Variants in IQCM observed in about 807,000 individuals in gnomAD.
The protein encoded by IQCM is IQ motif containing M.
In IQCM, 45 loss-of-function variants were observed where a neutral mutation model predicts 57.6. The ratio of observed to expected loss-of-function variants is 0.78; its 90% confidence interval spans 0.62 to 1.00. The LOEUF (loss-of-function observed/expected upper bound fraction) is 1.00, where lower values mean the gene tolerates loss of function less well. Ranked by LOEUF, IQCM falls within the 50% of genes least tolerant of loss-of-function variation. IQCM has a pLI of 0.00. For synonymous variants in IQCM, 148 were observed against 158.9 expected (o/e 0.93, Z 0.51); for missense variants, 468 against 511.6 (o/e 0.91, Z 0.82).
chr4:149,681,771 C>A (rs1418877649), intron 7 of IQCM, among the ~76,000 whole-genome samples: 1 of 151,022 alleles, frequency 6.6e-6, no homozygotes, highest in Non-Finnish European at 1.5e-5. Context: ...ATTTAAGGGA[C>A]TTTAAAGAAT....
At chr4:149,489,585 C>T (rs1424280952) in intron 12 of IQCM, among the ~76,000 whole-genome samples, 2 of 151,934 alleles carry the variant, frequency 1.3e-5, no homozygotes, top group African/African-American at 4.8e-5. Context: ...AATGCAATCT[C>T]ACATACTACT....
intron 2 of IQCM, among the ~76,000 whole-genome samples, chr4:149,778,864 A>G (rs1042160194): frequency 5.9e-5 from 9 of 152,156 alleles, no homozygotes; most frequent in African/African-American, 1.7e-4. Flanking sequence ...AACACTCTCG[A>G]AAAAGAAATT....
intron 3 of IQCM, among the ~76,000 whole-genome samples, chr4:149,738,202 A>G (rs1767121580): frequency 6.6e-6 from 1 of 152,166 alleles, no homozygotes; most frequent in Admixed American, 6.5e-5. Flanking sequence ...GCTCTTTTCT[A>G]CAAATGTACT....
At chr4:149,561,258 C>T (rs535279064) in intron 10 of IQCM, among the ~76,000 whole-genome samples, 17 of 105,606 alleles carry the variant, frequency 1.6e-4, no homozygotes, top group Admixed American at 3.3e-4. Flanking sequence ...CTCCTTTTCA[C>T]GCTCATCTTT....
At chr4:149,376,052 T>A (rs114491810) in intron 13 of IQCM, among the ~76,000 whole-genome samples, 1 of 152,132 alleles carries the variant, frequency 6.6e-6, no homozygotes, top group Non-Finnish European at 1.5e-5. Context: ...GGGAATTCTG[T>A]AACCACCTCA....
intron 5 of IQCM, among the ~76,000 whole-genome samples, chr4:149,712,692 T>A (rs1015712013): frequency 6.6e-6 from 1 of 152,162 alleles, no homozygotes; most frequent in Non-Finnish European, 1.5e-5. Flanking sequence ...ACCAATCTGA[T>A]GGAAGGTGTT....
chr4:149,727,778 T>C (rs1484635187), intron 5 of IQCM, among the ~76,000 whole-genome samples: 1 of 152,110 alleles, frequency 6.6e-6, no homozygotes, highest in Non-Finnish European at 1.5e-5. Flanking sequence ...CCAGTAACCC[T>C]AGCAGTGGCT....
chr4:149,758,926 G>A (rs1236353461), intron 2 of IQCM, among the ~76,000 whole-genome samples: 1 of 152,200 alleles, frequency 6.6e-6, no homozygotes, highest in Non-Finnish European at 1.5e-5. Context: ...CTTTGACCAT[G>A]TAATCCAGCT....
chr4:149,626,430 A>AATCCTT (rs368164851), intron 7 of IQCM, among the ~76,000 whole-genome samples: 1 of 141,338 alleles, frequency 7.1e-6, no homozygotes, highest in East Asian at 2.1e-4. Flanking sequence ...AAGACATACT[A>AATCCTT]TTTTGCTATC....
At chr4:149,775,040 C>CAAAAA (rs35383107) in intron 2 of IQCM, among the ~76,000 whole-genome samples, 1 of 87,058 alleles carries the variant, frequency 1.1e-5, no homozygotes, top group Non-Finnish European at 2.5e-5. Context: ...TTCTTTTTGC[C>CAAAAA]AAAAAAAAAA....
At chr4:149,725,897 C>G (rs1169579291) in intron 5 of IQCM, among the ~76,000 whole-genome samples, 1 of 151,910 alleles carries the variant, frequency 6.6e-6, no homozygotes, top group Admixed American at 6.6e-5. Context: ...TGTACATGTT[C>G]CCCCTATCTT....
At chr4:149,609,044 G>C (rs1201477752) in intron 8 of IQCM, among the ~76,000 whole-genome samples, 2 of 151,586 alleles carry the variant, frequency 1.3e-5, no homozygotes, top group Non-Finnish European at 3.0e-5. Flanking sequence ...AATAAAATGA[G>C]AGATGAAAAA....
At chr4:149,464,419 T>C (rs575545574) in intron 12 of IQCM, among the ~76,000 whole-genome samples, 8 of 152,244 alleles carry the variant, frequency 5.3e-5, no homozygotes, top group African/African-American at 1.4e-4. Context: ...CTGTCTAGGA[T>C]TAGAAGCTCT....
chr4:149,484,787 T>G (rs1262663911), intron 12 of IQCM, among the ~76,000 whole-genome samples: 1 of 151,946 alleles, frequency 6.6e-6, no homozygotes, highest in Non-Finnish European at 1.5e-5. Context: ...TGTGCTTGAG[T>G]TTTGTACCTT....
At chr4:149,435,805 A>G (rs529648351) in intron 12 of IQCM, among the ~76,000 whole-genome samples, 1 of 152,216 alleles carries the variant, frequency 6.6e-6, no homozygotes, top group East Asian at 1.9e-4. Flanking sequence ...AAAAAACAAA[A>G]AATATAAACA....
At chr4:149,564,594 T>C (rs1750434421) in intron 9 of IQCM, among the ~76,000 whole-genome samples, 1 of 152,148 alleles carries the variant, frequency 6.6e-6, no homozygotes, top group African/African-American at 2.4e-5. Flanking sequence ...TCTAATCAGC[T>C]GCCAGTGCAG....
intron 13 of IQCM, among the ~76,000 whole-genome samples, chr4:149,404,198 C>T (rs1732817842): frequency 6.6e-6 from 1 of 151,960 alleles, no homozygotes; most frequent in African/African-American, 2.4e-5. Context: ...AGGTATGTAT[C>T]CAGATTTATG....
chr4:149,361,749 C>T (rs1039374674), intron 13 of IQCM, among the ~76,000 whole-genome samples: 8 of 152,156 alleles, frequency 5.3e-5, no homozygotes, highest in East Asian at 3.9e-4. Context: ...GGGGCCCTCA[C>T]GGAGAACCTC....
chr4:149,496,185 T>C (rs1431773825), intron 12 of IQCM, among the ~76,000 whole-genome samples: 1 of 152,114 alleles, frequency 6.6e-6, no homozygotes, highest in Non-Finnish European at 1.5e-5. Context: ...TTGCAAATTC[T>C]AGCTCTAGGA....
Sources: allele counts gnomAD v4.1 joint callset (sites outside exome capture counted in the v4.1 genomes callset), GRCh38; gene constraint gnomAD v4.1.1; transcripts MANE v1.5; gene names NCBI Gene and HGNC (gene_info 2026-07-23, HGNC 2026-07-21).